Variants in DARS2 observed in about 807,000 individuals in gnomAD.
DARS2 encodes the protein aspartate--tRNA ligase, mitochondrial.
In DARS2, 63 loss-of-function variants were observed where a neutral mutation model predicts 83.0. The ratio of observed to expected loss-of-function variants is 0.76; its 90% CI spans 0.62 to 0.94. DARS2 has a LOEUF of 0.94. Ranked by LOEUF, DARS2 falls within the 40% of genes least tolerant of loss-of-function variation. The probability of loss-of-function intolerance (pLI) is 0.00; values close to 1 mark genes in which losing one functional copy is unlikely to be tolerated. For synonymous variants in DARS2, 250 were observed against 269.3 expected, an observed-to-expected ratio of 0.93 and a Z score of 0.70; for missense variants, 675 against 774.4, an observed-to-expected ratio of 0.87 and a Z score of 1.52.
chr1:173,835,650 G>C (rs189101521), intron 7 of DARS2, among the ~76,000 whole-genome samples: 1 of 152,230 alleles, frequency 6.6e-6, no homozygotes, highest in Admixed American at 6.5e-5. Flanking sequence ...GCTCACACCT[G>C]TAATCTCAGC....
At chr1:173,830,612 C>A (rs762267008) in intron 3 of DARS2, 48 bp from the exon 4 acceptor site, 1 of 1,451,202 alleles carries the variant, frequency 6.9e-7, no homozygotes, top group African/African-American at 1.4e-5. Flanking sequence ...CTGAAGATTC[C>A]TGTAAGTTCA....
intron 10 of DARS2, among the ~76,000 whole-genome samples, 195 bp downstream of exon 10, chr1:173,839,741 C>T (rs1571986955): frequency 6.6e-6 from 1 of 152,174 alleles, no homozygotes; most frequent in Non-Finnish European, 1.5e-5. Context: ...CTTTCATGTT[C>T]CAAGATCCAT....
Position 173,853,894 on chromosome 1 carries a change from A to C in DARS2, c.1663A>C (p.Thr555Pro). Residue 555 changes from threonine to proline, a missense_variant, in exon 15 of 17, where the codon ACC becomes CCC. By Grantham distance (38) the Thr-to-Pro change is conservative (BLOSUM62 -1). Coordinates refer to ENST00000649689, the MANE Select transcript of DARS2 (RefSeq NM_018122.5). ...NAELQRYILA[T>P]LLKEDVKMLS... Reference sequence around the variant, plus strand: ...AGAGCTGCAGCGTTATATCCTGGCAACCTTACTAAAGGTAACAAACATCAT... The same window carrying C: ...AGAGCTGCAGCGTTATATCCTGGCACCCTTACTAAAGGTAACAAACATCAT... 1 of 1,613,612 alleles carries C rather than the reference A, an allele frequency of 6.2e-7. No homozygotes were observed. The highest frequency in any genetic ancestry group is 2.2e-5 in the East Asian group (1 of 44,868).
In DARS2 at chr1:173,825,056, G is replaced by T; in HGVS notation, c.-174G>T. On this transcript the variant is annotated 5_prime_UTR_variant, in exon 1 of 17. Transcript: ENST00000649689. Reference sequence around the variant, plus strand: ...AGCACCCCAGAGACCTTGGAGATTTGTCTTGTTTCTAGACACGTGTACTCC... The same window carrying T: ...AGCACCCCAGAGACCTTGGAGATTTTTCTTGTTTCTAGACACGTGTACTCC... The T allele has an allele frequency of 1.1e-6, 1 of 873,424 alleles. No individual in the cohort carries two copies. The highest frequency in any genetic ancestry group is 1.8e-6 in the Non-Finnish European group (1 of 567,722). The allele number at this position is 873,424 out of a possible 1,614,324, so 54.1% of individuals were successfully genotyped here.
intron 5 of DARS2, 151 bp downstream of exon 5, chr1:173,831,781 A>G (rs1652806641): frequency 3.0e-6 from 2 of 668,792 alleles, no homozygotes; most frequent in Non-Finnish European, 5.3e-6. Flanking sequence ...TAGTTCTACA[A>G]CTTCTTGGCA....
At position 173,857,850 on chromosome 1, in the gene DARS2, C is replaced by G. The variant is rs1019884556; in HGVS notation, c.*145C>G. ...ATCCAGGCAACATTCTTCACCACAACGAAGAAACAGATAAAAGATACCCAA... is the reference window on the plus strand; with the variant it reads ...ATCCAGGCAACATTCTTCACCACAAGGAAGAAACAGATAAAAGATACCCAA... On this transcript the variant is annotated 3_prime_UTR_variant, in exon 17 of 17. Coordinates refer to ENST00000649689, the MANE Select transcript of DARS2 (RefSeq NM_018122.5). 1.6e-5 allele frequency: 14 copies of G among 863,248 alleles called. No homozygotes were observed. Among genetic ancestry groups the G allele is most frequent in the Non-Finnish European group, 2.6e-5 (14 of 541,642 alleles). 53.5% of individuals were successfully genotyped at this position (863,248 alleles called of 1,614,324 possible).
chr1:173,836,338 A>G (rs1653004127), intron 7 of DARS2, among the ~76,000 whole-genome samples: 2 of 151,972 alleles, frequency 1.3e-5, no homozygotes, highest in African/African-American at 2.4e-5. Flanking sequence ...TCAGGAGTTC[A>G]AGACCAGCCT....
intron 11 of DARS2, among the ~76,000 whole-genome samples, chr1:173,843,122 C>T (rs557592275): frequency 6.6e-6 from 1 of 151,646 alleles, no homozygotes; most frequent in Admixed American, 6.6e-5. Flanking sequence ...TTATACCTTC[C>T]GTACCTAGTT....
intron 11 of DARS2, 144 bp from the exon 12 acceptor site, chr1:173,845,085 G>A (rs950088034): frequency 1.5e-5 from 9 of 615,564 alleles, no homozygotes; most frequent in East Asian, 9.3e-5. Context: ...ATGAGCCACC[G>A]CGCCCAGCCC....
At chr1:173,852,365 A>T in intron 13 of DARS2, 1 of 561,930 alleles carries the variant, frequency 1.8e-6, no homozygotes, top group Non-Finnish European at 2.3e-6. Flanking sequence ...AGAAGTTCTG[A>T]TACTGTTGCT....
At chr1:173,826,926 C>T (rs1557853090) in intron 2 of DARS2, 140 bp downstream of exon 2, 1 of 728,896 alleles carries the variant, frequency 1.4e-6, no homozygotes, top group Non-Finnish European at 2.4e-6. Flanking sequence ...GAATTTTCAA[C>T]TTTGTTTTAG....
chr1:173,852,934 C>T (rs186924987), intron 13 of DARS2, among the ~76,000 whole-genome samples: 4 of 152,282 alleles, frequency 2.6e-5, no homozygotes, highest in South Asian at 2.1e-4. Context: ...ATAATCAGAA[C>T]GACTACCACT....
chr1:173,835,026 C>T (rs1021333762), intron 7 of DARS2, among the ~76,000 whole-genome samples: 1 of 151,910 alleles, frequency 6.6e-6, no homozygotes, highest in African/African-American at 2.4e-5. Context: ...AAATGATCCG[C>T]ACACCTTGGC....
At chr1:173,840,341 C>A (rs1291048768) in intron 10 of DARS2, among the ~76,000 whole-genome samples, 1 of 152,168 alleles carries the variant, frequency 6.6e-6, no homozygotes, top group East Asian at 1.9e-4. Context: ...TGGGTTCAAG[C>A]GATTCTCCTG....
chr1:173,858,038 G>A lies in DARS2; in HGVS notation c.*333G>A, dbSNP rs1395762454. The stretch of plus-strand genomic sequence containing the variant: ...ACCCAGATAGTAGATTATTCACTTA[G>A]GACAGAGGTAATCAAATTATGTGTG... On this transcript the variant is annotated 3_prime_UTR_variant, in exon 17 of 17. Coordinates refer to ENST00000649689, the MANE Select transcript of DARS2 (RefSeq NM_018122.5). The A allele has an allele frequency of 6.2e-6, 2 of 321,294 alleles. No individual in the cohort carries two copies. Among genetic ancestry groups the A allele is most frequent in the African/African-American group, 2.1e-5 (1 of 46,648 alleles). 19.9% of individuals were successfully genotyped at this position (321,294 alleles called of 1,614,324 possible).
At chr1:173,836,436 G>A (rs767051608) in intron 7 of DARS2, among the ~76,000 whole-genome samples, 8 of 151,696 alleles carry the variant, frequency 5.3e-5, no homozygotes, top group Admixed American at 3.9e-4. Flanking sequence ...CCAGCTACTC[G>A]GGAGGCTGAG....
In DARS2 at chr1:173,831,596, A is replaced by G; in HGVS notation, c.458A>G (p.Lys153Arg). ...VKTAELLNAC[K>R]KLPFEIKNFV... is the part of the protein sequence containing the mutation. ...ACAGCTGAGCTTCTGAATGCCTGCA[A>G]GAAGCTGCCCTTTGAAATTAAGAAC... The change falls in exon 5 of 17, where the codon AAG becomes AGG. Residue 153 changes from lysine (K) to arginine (R), a missense_variant. Lys to Arg is a conservative substitution (Grantham distance 26, BLOSUM62 2). Coordinates refer to ENST00000649689, the MANE Select transcript of DARS2 (RefSeq NM_018122.5). The G allele has an allele frequency of 6.2e-7, 1 of 1,614,132 alleles. No homozygotes were observed. Among genetic ancestry groups the G allele is most frequent in the Non-Finnish European group, 8.5e-7 (1 of 1,179,968 alleles).
chr1:173,830,149 T>C (rs1652739606), intron 3 of DARS2, among the ~76,000 whole-genome samples: 1 of 152,184 alleles, frequency 6.6e-6, no homozygotes, highest in Non-Finnish European at 1.5e-5. Flanking sequence ...CTGGGCAAAG[T>C]TGGTTTCTAT....
intron 6 of DARS2, 135 bp downstream of exon 6, chr1:173,833,634 T>C: frequency 9.7e-7 from 1 of 1,027,310 alleles, no homozygotes. Flanking sequence ...ATGTGTAATG[T>C]AGTTTTTGAA....
Sources: allele counts gnomAD v4.1 joint callset (sites outside exome capture counted in the v4.1 genomes callset), GRCh38; gene constraint gnomAD v4.1.1; transcripts MANE v1.5; gene names NCBI Gene and HGNC (gene_info 2026-07-23, HGNC 2026-07-21).